Variants in ZNF334 observed in about 807,000 individuals in gnomAD.
The protein encoded by ZNF334 is zinc finger protein 334.
A neutral mutation model predicts 12.4 loss-of-function variants in ZNF334; 14 were observed. The ratio of observed to expected loss-of-function variants is 1.13; its 90% CI spans 0.74 to 1.76. The LOEUF is 1.76. Ranked by LOEUF, ZNF334 falls within the 40% of genes most tolerant of loss-of-function variation. The probability of loss-of-function intolerance (pLI) is 0.00; values close to 1 mark genes in which losing one functional copy is unlikely to be tolerated. For synonymous variants in ZNF334, 273 were observed against 269.6 expected, an observed-to-expected ratio of 1.01 and a Z score of -0.12; for missense variants, 797 against 804.5, an observed-to-expected ratio of 0.99 and a Z score of 0.11.
chr20:46,480,658 G>T, the ZNF334 span, among the ~76,000 whole-genome samples: 1 of 152,086 alleles, frequency 6.6e-6, no homozygotes, highest in African/African-American at 2.4e-5. Context: ...CTATAATCAG[G>T]ACCAAAAGAG....
rs2061193368 is a variant in ZNF334 at position 46,501,899 on chromosome 20, C to CT, written c.1439dup (p.Arg481GlufsTer12). 6.2e-7 allele frequency: 1 copy of CT among 1,613,826 alleles called. No homozygotes were observed. Among genetic ancestry groups the CT allele is most frequent in the Non-Finnish European group, 8.5e-7 (1 of 1,179,982 alleles). Reference sequence around the variant, plus strand: ...CATGTTTCTCTCCTGTGTGTGTTCTCTGATGTATAGTGAGTGTTGACTTAT... The same window carrying CT: ...CATGTTTCTCTCCTGTGTGTGTTCTCTTGATGTATAGTGAGTGTTGACTTAT... On this transcript the variant is annotated frameshift_variant, in exon 5 of 5. Transcript: ENST00000692313. LOFTEE classifies it low-confidence loss of function (END_TRUNC).
chr20:46,506,508 C>T (rs938624931), intron 2 of ZNF334: 17 of 394,078 alleles, frequency 4.3e-5, no homozygotes, highest in East Asian at 1.1e-4. Context: ...ATGTGCTACT[C>T]GGGTGGCTGA....
chr20:46,474,973 G>A, the ZNF334 span, among the ~76,000 whole-genome samples: 11 of 152,178 alleles, frequency 7.2e-5, no homozygotes, highest in Non-Finnish European at 1.6e-4. Flanking sequence ...CAGAGGCACA[G>A]ATAGATTATC....
rs150376272 is a variant in ZNF334, at chr20:46,508,852, T to C, written c.21+3230A>G. On this transcript the variant is annotated intron_variant, in intron 2 of 4. Coordinates refer to ENST00000692313, the MANE Select transcript of ZNF334 (RefSeq NM_001353824.2). ...GATCTGAGCCTAGAACCTTATTCCATTTGGCACTTGAACACATAGTATTTT... is the reference window on the plus strand; with the variant it reads ...GATCTGAGCCTAGAACCTTATTCCACTTGGCACTTGAACACATAGTATTTT... Among the ~76,000 whole-genome samples the C allele has an allele frequency of 3.4e-4, 52 of 152,354 alleles. 1 individual carries two copies. The highest frequency in any genetic ancestry group is 1.2e-3 in the African/African-American group (50 of 41,584).
At position 46,501,471 on chromosome 20, in the gene ZNF334, G is replaced by A. The variant is rs1267358772; in HGVS notation, c.1868C>T (p.Thr623Ile). The A allele has an allele frequency of 6.2e-7, 1 of 1,613,956 alleles. No individual in the cohort carries two copies. Among genetic ancestry groups the A allele is most frequent in the African/African-American group, 1.3e-5 (1 of 74,896 alleles). ...SAFRVHRRIH[T>I]GEKPYECNQC... ...ATTACATTCATATGGTTTCTCTCCT[G>A]TGTGAATTCTTCTATGGACTCTGAA... The change falls in exon 5 of 5, where the codon ACA becomes ATA. Residue 623 changes from threonine (T) to isoleucine (I), a missense_variant. Physicochemically the swap from Thr to Ile is moderately conservative, Grantham distance 89. Transcript: ENST00000692313.
chr20:46,494,767 G>C (rs1043072881), downstream of ZNF334, among the ~76,000 whole-genome samples: 1 of 152,164 alleles, frequency 6.6e-6, no homozygotes, highest in Non-Finnish European at 1.5e-5. Context: ...CTAAAGTCTA[G>C]AGTGAGAAAA....
chr20:46,502,308 G>T lies in ZNF334; in HGVS notation c.1031C>A (p.Thr344Lys), dbSNP rs1241939442. ...SALAEHFRSH[T>K]GEKPYECKEC... ...CTTGCATTCGTAAGGCTTCTCCCCT[G>T]TGTGTGACCTGAAATGTTCAGCCAG... The change falls in exon 5 of 5, where the codon ACA becomes AAA. Residue 344 changes from threonine to lysine, a missense_variant. Transcript: ENST00000692313. 6.2e-7 allele frequency: 1 copy of T among 1,613,954 alleles called. No individual in the cohort carries two copies. The highest frequency in any genetic ancestry group is 8.5e-7 in the Non-Finnish European group (1 of 1,180,010).
intron 4 of ZNF334, among the ~76,000 whole-genome samples, chr20:46,503,787 C>T (rs1020712359): frequency 2.6e-5 from 4 of 151,944 alleles, no homozygotes; most frequent in African/African-American, 9.7e-5. Flanking sequence ...CCTGGTGAAG[C>T]GTAGAATGGA....
At chr20:46,488,419 T>TTATATATATATATA in the ZNF334 span, among the ~76,000 whole-genome samples, 659 of 102,168 alleles carry the variant, frequency 6.5e-3, 21 homozygotes, top group African/African-American at 0.026. Context: ...AGCTCTTATT[T>TTATATATATATATA]TATATATATA....
rs1294735731 is a variant in ZNF334 at position 46,500,484 on chromosome 20, G to A, written c.*812C>T. ...AACATACTAATTGACATAAACCACT[G>A]GTAGATGGGGTTGAGTGGATATTAC... On this transcript the variant is annotated 3_prime_UTR_variant, in exon 5 of 5. Transcript: ENST00000692313. 2.0e-5 allele frequency: 3 copies of A among 152,180 alleles called. No homozygotes were observed. The highest frequency in any genetic ancestry group is 4.4e-5 in the Non-Finnish European group (3 of 68,028). 9.4% of individuals were successfully genotyped at this position (152,180 alleles called of 1,614,324 possible). A position where few individuals can be genotyped will look rare whatever the true frequency, so the allele number is the denominator to read the frequency against.
At chr20:46,464,286 G>A in the ZNF334 span, 4 of 553,702 alleles carry the variant, frequency 7.2e-6, no homozygotes, top group Non-Finnish European at 3.6e-6. Context: ...TCTCCCGCCT[G>A]GTACTCACTG....
chr20:46,498,412 T>C (rs1486332625), downstream of ZNF334, among the ~76,000 whole-genome samples: 2 of 152,154 alleles, frequency 1.3e-5, no homozygotes, highest in African/African-American at 4.8e-5. Flanking sequence ...GAGAGGTCCA[T>C]GTGATGAAGA....
At chr20:46,479,839 C>T in the ZNF334 span, among the ~76,000 whole-genome samples, 35 of 152,192 alleles carry the variant, frequency 2.3e-4, no homozygotes, top group Non-Finnish European at 3.2e-4. Flanking sequence ...ACCTTGGCTT[C>T]CACAACTCTC....
chr20:46,488,100 G>A, the ZNF334 span, among the ~76,000 whole-genome samples: 1 of 152,064 alleles, frequency 6.6e-6, no homozygotes, highest in Admixed American at 6.6e-5. Flanking sequence ...GTGAAATCTT[G>A]TGTTTTTATT....
At position 46,502,527 on chromosome 20, in the gene ZNF334, C is replaced by T. The variant is rs148182185; in HGVS notation, c.812G>A (p.Arg271Lys). ...GCTTGTCTTCACACGAAAAGTTTTC[C>T]TACAATCACTACAAACATACGGTTT... Reference protein sequence around the residue: ...GEKPYVCSDCRKTFRVKTSLT... With the variant: ...GEKPYVCSDCKKTFRVKTSLT... The change falls in exon 5 of 5, where the codon AGG becomes AAG. Residue 271 changes from arginine (R) to lysine (K), a missense_variant. By Grantham distance (26) the Arg-to-Lys change is conservative. Transcript: ENST00000692313. 6 of 1,613,106 alleles carry T rather than the reference C, an allele frequency of 3.7e-6. No homozygotes were observed. The African/African-American group carries it at 8.0e-5, about 22-fold the overall frequency.
At chr20:46,475,766 T>G in the ZNF334 span, among the ~76,000 whole-genome samples, 1 of 152,116 alleles carries the variant, frequency 6.6e-6, no homozygotes. Context: ...TAAAAAACAG[T>G]AACACCACTA....
At chr20:46,480,111 C>T in the ZNF334 span, among the ~76,000 whole-genome samples, 1 of 152,130 alleles carries the variant, frequency 6.6e-6, no homozygotes, top group African/African-American at 2.4e-5. Flanking sequence ...TCTCAGGACC[C>T]CCTGAGGCTC....
At chr20:46,480,406 G>A in the ZNF334 span, among the ~76,000 whole-genome samples, 1 of 152,104 alleles carries the variant, frequency 6.6e-6, no homozygotes, top group Non-Finnish European at 1.5e-5. Context: ...ACGCCGTCCC[G>A]CTGCTGAAAG....
chr20:46,465,948 C>T, the ZNF334 span, among the ~76,000 whole-genome samples: 25 of 150,780 alleles, frequency 1.7e-4, no homozygotes, highest in East Asian at 3.1e-3. Flanking sequence ...AGCGAAACTC[C>T]GTCTAAAAAA....
Sources: allele counts gnomAD v4.1 joint callset (sites outside exome capture counted in the v4.1 genomes callset), GRCh38; gene constraint gnomAD v4.1.1; transcripts MANE v1.5; gene names NCBI Gene and HGNC (gene_info 2026-07-23, HGNC 2026-07-21).